Variants in COL15A1 observed in about 807,000 individuals in gnomAD.
COL15A1 encodes the protein collagen type XV alpha 1 chain, also known as collagen alpha-1(XV) chain.
A neutral mutation model predicts 165.9 loss-of-function variants in COL15A1; 111 were observed. That is an observed-to-expected ratio of 0.67 (90% CI 0.57 to 0.78). COL15A1 has a LOEUF of 0.78. Ranked by LOEUF, COL15A1 falls within the 30% of genes least tolerant of loss-of-function variation. The pLI, the probability that COL15A1 is intolerant of heterozygous loss-of-function variation, is 0.00. For synonymous variants in COL15A1, 659 were observed against 674.8 expected, an observed-to-expected ratio of 0.98 and a Z score of 0.36; for missense variants, 1,745 against 1,789.7, an observed-to-expected ratio of 0.98 and a Z score of 0.45.
At chr9:99,068,839 A>C (rs774959777) in intron 41 of COL15A1, among the ~76,000 whole-genome samples, 169 bp downstream of exon 41, 2 of 152,234 alleles carry the variant, frequency 1.3e-5, no homozygotes, top group Non-Finnish European at 2.9e-5. Flanking sequence ...CAGAAGACCC[A>C]GGTCCAGTAA....
intron 8 of COL15A1, among the ~76,000 whole-genome samples, 173 bp downstream of exon 8, chr9:99,003,760 G>A (rs988324586): frequency 3.9e-5 from 6 of 152,150 alleles, no homozygotes; most frequent in African/African-American, 1.4e-4. Flanking sequence ...GTGGCGGTGT[G>A]CAGAGCCCTA....
At chr9:98,983,211 G>C (rs1379559236) in intron 2 of COL15A1, among the ~76,000 whole-genome samples, 1 of 152,152 alleles carries the variant, frequency 6.6e-6, no homozygotes, top group Non-Finnish European at 1.5e-5. Flanking sequence ...GAGTTGAGAT[G>C]GGGGCATGGC....
chr9:98,994,987 C>T (rs1838519437), intron 5 of COL15A1, among the ~76,000 whole-genome samples: 1 of 152,084 alleles, frequency 6.6e-6, no homozygotes, highest in Non-Finnish European at 1.5e-5. Flanking sequence ...CGTTGTCTTC[C>T]TATGTTTCCT....
intron 5 of COL15A1, among the ~76,000 whole-genome samples, chr9:98,992,593 A>G (rs1465797496): frequency 6.6e-6 from 1 of 152,248 alleles, no homozygotes; most frequent in East Asian, 1.9e-4. Flanking sequence ...AGGTGTGGCC[A>G]GAGTGGACGC....
Position 99,024,884 on chromosome 9 carries a change from G to T in COL15A1, c.1865G>T (p.Gly622Val). Residue 622 changes from glycine to valine, a missense_variant, in exon 15 of 42, where the codon GGA becomes GTA. Physicochemically the swap from Gly to Val is moderately radical, Grantham distance 109. Transcript: ENST00000375001. The part of the protein sequence containing the change: ...GSEQLLRGPP[G>V]PPGPPGLPGI... Reference sequence around the variant, plus strand: ...TCTTTGTGTTTTTAGGGTCCTCCAGGACCCCCAGGGCCACCTGGCTTACCT... The same window carrying T: ...TCTTTGTGTTTTTAGGGTCCTCCAGTACCCCCAGGGCCACCTGGCTTACCT... The T allele has an allele frequency of 1.2e-6, 2 of 1,613,580 alleles. No individual in the cohort carries two copies. The highest frequency in any genetic ancestry group is 2.2e-5 in the South Asian group (2 of 91,016).
At chr9:99,033,321 T>G (rs1316367880) in intron 16 of COL15A1, among the ~76,000 whole-genome samples, 1 of 152,194 alleles carries the variant, frequency 6.6e-6, no homozygotes, top group African/African-American at 2.4e-5. Flanking sequence ...GCCCTATGTC[T>G]TTAGCCCAAT....
At position 99,044,807 on chromosome 9, in the gene COL15A1, G is replaced by A. The variant is rs376166267; in HGVS notation, c.2679+37G>A. The A allele has an allele frequency of 1.3e-5, 20 of 1,587,322 alleles. No individual in the cohort carries two copies. In the African/African-American group the frequency reaches 1.7e-4, roughly 14 times the overall value. On this transcript the variant is annotated intron_variant, in intron 26 of 41. Coordinates refer to ENST00000375001, the MANE Select transcript of COL15A1 (RefSeq NM_001855.5). The stretch of plus-strand genomic sequence containing the variant: ...CGTCTCTCAGCTGGATCTGGGCTGG[G>A]GTTTGAAGCATTTTTCATACTTTGA...
chr9:99,031,039 G>T (rs1035087650), intron 16 of COL15A1, among the ~76,000 whole-genome samples: 1 of 152,158 alleles, frequency 6.6e-6, no homozygotes, highest in East Asian at 1.9e-4. Context: ...GAGCCTAGTC[G>T]CTGTCACTTC....
At position 99,036,350 on chromosome 9, in the gene COL15A1, C is replaced by A; in HGVS notation, c.2363C>A (p.Pro788His). 1 of 1,614,130 alleles carries A rather than the reference C, an allele frequency of 6.2e-7. No individual in the cohort carries two copies. The highest frequency in any genetic ancestry group is 8.5e-7 in the Non-Finnish European group (1 of 1,180,032). ...RGMDGASIVG[P>H]PGPRGPPGHI... ...ATGGATGGAGCCAGTATTGTGGGAC[C>A]CCCTGGGCCGAGAGGGCCACCTGGG... The change falls in exon 21 of 42, where the codon CCC becomes CAC. Residue 788 changes from proline (P) to histidine (H), a missense_variant. By Grantham distance (77) the Pro-to-His change is moderately conservative. Coordinates refer to ENST00000375001, the MANE Select transcript of COL15A1 (RefSeq NM_001855.5).
At chr9:99,060,302 C>G (rs1441554575) in intron 36 of COL15A1, among the ~76,000 whole-genome samples, 1 of 148,812 alleles carries the variant, frequency 6.7e-6, no homozygotes, top group Non-Finnish European at 1.5e-5. Context: ...CACTCTGTCA[C>G]CCAAACTGGA....
At chr9:99,003,935 G>C (rs963182453) in intron 8 of COL15A1, among the ~76,000 whole-genome samples, 2 of 152,220 alleles carry the variant, frequency 1.3e-5, no homozygotes, top group African/African-American at 4.8e-5. Flanking sequence ...CGGGGGCACA[G>C]AAGTTTCCTG....
intron 39 of COL15A1, among the ~76,000 whole-genome samples, chr9:99,066,599 G>GGTTTTTTT (rs1554692264): frequency 1.4e-5 from 1 of 71,040 alleles, no homozygotes; most frequent in Non-Finnish European, 2.8e-5. Context: ...ATTTTGTTCT[G>GGTTTTTTT]TTTTTTTTTT....
intron 24 of COL15A1, among the ~76,000 whole-genome samples, chr9:99,043,920 C>T (rs1315641605): frequency 1.3e-5 from 2 of 152,194 alleles, no homozygotes; most frequent in Non-Finnish European, 2.9e-5. Context: ...CACCAGTCTA[C>T]CCATCACTCA....
intron 16 of COL15A1, among the ~76,000 whole-genome samples, chr9:99,033,472 G>GGCCA (rs990818715): frequency 4.1e-4 from 62 of 152,246 alleles, no homozygotes; most frequent in African/African-American, 1.5e-3. Flanking sequence ...GGGGCCCAGG[G>GGCCA]GCCACATCAT....
intron 8 of COL15A1, among the ~76,000 whole-genome samples, 158 bp downstream of exon 8, chr9:99,003,745 A>T (rs1838706327): frequency 6.6e-6 from 1 of 152,224 alleles, no homozygotes; most frequent in African/African-American, 2.4e-5. Context: ...GCATTGACCC[A>T]TTCAGTGGCG....
chr9:98,967,368 C>T (rs1837974143), intron 2 of COL15A1, among the ~76,000 whole-genome samples: 1 of 152,238 alleles, frequency 6.6e-6, no homozygotes, highest in Non-Finnish European at 1.5e-5. Context: ...TTCCCCCTGC[C>T]TGCAGAACCC....
intron 13 of COL15A1, among the ~76,000 whole-genome samples, 189 bp downstream of exon 13, chr9:99,022,339 T>C (rs533904077): frequency 6.6e-6 from 1 of 152,342 alleles, no homozygotes; most frequent in Non-Finnish European, 1.5e-5. Flanking sequence ...GTTTAAATCC[T>C]GCACCTTGAG....
intron 39 of COL15A1, among the ~76,000 whole-genome samples, chr9:99,065,582 C>A (rs1354047004): frequency 6.6e-6 from 1 of 150,676 alleles, no homozygotes; most frequent in Non-Finnish European, 1.5e-5. Context: ...ATGCTAGCCA[C>A]TGGGAGGCCT....
intron 3 of COL15A1, among the ~76,000 whole-genome samples, chr9:98,986,670 T>C (rs1420019268): frequency 1.3e-5 from 2 of 152,256 alleles, no homozygotes; most frequent in Non-Finnish European, 2.9e-5. Context: ...CACTAAGTTA[T>C]TGTAGTTACT....
Sources: allele counts gnomAD v4.1 joint callset (sites outside exome capture counted in the v4.1 genomes callset), GRCh38; gene constraint gnomAD v4.1.1; transcripts MANE v1.5; gene names NCBI Gene and HGNC (gene_info 2026-07-23, HGNC 2026-07-21).